The following RBM39 variants were observed in gnomAD, a reference collection of about 807,000 sequenced individuals.
The protein encoded by RBM39 is RNA binding motif protein 39.
In RBM39, 12 loss-of-function variants were observed where a neutral mutation model predicts 79.6. The ratio of observed to expected loss-of-function variants is 0.15; its 90% CI spans 0.10 to 0.24. The LOEUF (loss-of-function observed/expected upper bound fraction) is 0.24, where lower values mean the gene tolerates loss of function less well. Ranked by LOEUF, RBM39 falls within the 10% of genes least tolerant of loss-of-function variation. The probability of loss-of-function intolerance (pLI) is 1.00; values close to 1 mark genes in which losing one functional copy is unlikely to be tolerated. For missense variants in RBM39, 243 were observed against 653.4 expected (o/e 0.37, Z 6.85); for synonymous variants, 185 against 208.4 (o/e 0.89, Z 0.97).
chr20:35,704,766 A>T lies in RBM39; in HGVS notation c.1414-20T>A. ...ATTGCCCTACAGAAAAAATGAAAAA[A>T]AAGGTAAAGATGTTGCTGTATGCAA... On this transcript the variant is annotated intron_variant, in intron 15 of 16. Transcript: ENST00000253363. 2 of 1,606,902 alleles carry T rather than the reference A, an allele frequency of 1.2e-6. No homozygotes were observed. The highest frequency in any genetic ancestry group is 2.2e-5 in the East Asian group (1 of 44,840).
intron 9 of RBM39, 84 bp from the exon 10 acceptor site, chr20:35,716,889 AC>A: frequency 1.1e-6 from 1 of 874,976 alleles, no homozygotes; most frequent in Non-Finnish European, 1.8e-6. Context: ...TTAAAAATCT[AC>A]CAGTCTCCTC....
chr20:35,729,853 A>ACACACAC (rs200469448), intron 4 of RBM39, among the ~76,000 whole-genome samples: 1 of 151,440 alleles, frequency 6.6e-6, no homozygotes, highest in African/African-American at 2.4e-5. Context: ...TAAAAAAAAA[A>ACACACAC]AAACACACAC....
intron 13 of RBM39, 82 bp downstream of exon 13, chr20:35,709,142 G>T: frequency 1.6e-6 from 2 of 1,285,902 alleles, no homozygotes; most frequent in South Asian, 2.7e-5. Flanking sequence ...ATAAAAATAT[G>T]ACAATAAATA....
rs201196214 is a variant in RBM39, at chr20:35,729,552, C to T, written c.297-25G>A. 471 of 1,607,346 alleles carry T rather than the reference C, an allele frequency of 2.9e-4. 2 individuals are homozygous for T. Among genetic ancestry groups the T allele is most frequent in the Admixed American group, 4.5e-4 (27 of 59,892 alleles). On this transcript the variant is annotated intron_variant, in intron 4 of 16. Transcript: ENST00000253363. ...GCTAAAAAGGAAACACAAAATTACA[C>T]TAGTTACAGGTTTAGGGTCTTGCTA... is the stretch of plus-strand genomic sequence containing the variant.
chr20:35,736,397 T>C (rs1452288636), intron 3 of RBM39: 3 of 296,908 alleles, frequency 1.0e-5, no homozygotes, highest in Non-Finnish European at 2.1e-5. Flanking sequence ...TATATCATTT[T>C]TAATCCATTA....
intron 3 of RBM39, among the ~76,000 whole-genome samples, chr20:35,733,232 G>A (rs567267106): frequency 2.6e-5 from 4 of 151,816 alleles, no homozygotes; most frequent in Non-Finnish European, 5.9e-5. Context: ...GAACCCGGGA[G>A]GTGGAGGTTG....
At chr20:35,734,186 C>A (rs771924438) in intron 3 of RBM39, 13 of 1,300,428 alleles carry the variant, frequency 1.0e-5, no homozygotes, top group Non-Finnish European at 1.3e-5. Context: ...AGACACCCAC[C>A]TTCTGGAATC....
At position 35,724,990 on chromosome 20, in the gene RBM39, C is replaced by G. The variant is rs369450053; in HGVS notation, c.534+48G>C. On this transcript the variant is annotated intron_variant, in intron 7 of 16. Transcript: ENST00000253363. ...GAAGTATTTGATGTTTACATGTTTT[C>G]TCTTGCAATTTCTACCTACTTGACC... 2.3e-6 allele frequency: 3 copies of G among 1,303,556 alleles called. No homozygotes were observed. In the African/African-American group the frequency reaches 4.5e-5, roughly 19 times the overall value. 80.7% of individuals were successfully genotyped at this position (1,303,556 alleles called of 1,614,324 possible). A position where few individuals can be genotyped will look rare whatever the true frequency, so the allele number is the denominator to read the frequency against.
intron 9 of RBM39, among the ~76,000 whole-genome samples, chr20:35,718,016 G>A (rs1028690548): frequency 6.6e-5 from 10 of 151,700 alleles, no homozygotes; most frequent in African/African-American, 9.7e-5. Context: ...CCACCACCAC[G>A]CCCAGCTAAA....
At position 35,702,202 on chromosome 20, in the gene RBM39, T is replaced by A. The variant is rs1306048043; in HGVS notation, c.*2279A>T. On this transcript the variant is annotated 3_prime_UTR_variant, in exon 17 of 17. Transcript: ENST00000253363. ...CTTTCAAAGATGGTAGTAATTATTA[T>A]AAAGATAAAAGAAAACTAGATGAAC... 4 of 152,192 alleles carry A rather than the reference T, an allele frequency of 2.6e-5. No homozygotes were observed. Among genetic ancestry groups the A allele is most frequent in the African/African-American group, 9.7e-5 (4 of 41,436 alleles). The allele number at this position is 152,192 out of a possible 1,614,324, so 9.4% of individuals were successfully genotyped here.
intron 8 of RBM39, among the ~76,000 whole-genome samples, chr20:35,722,756 A>ACC (rs1006357853): frequency 6.6e-6 from 1 of 151,726 alleles, no homozygotes; most frequent in African/African-American, 2.4e-5. Flanking sequence ...ACACAGTGAA[A>ACC]CCCCGTCTCT....
In RBM39 at chr20:35,703,233, T is replaced by C. The variant is rs1291382485; in HGVS notation, c.*1248A>G. ...TTAATACAGTAATATATGCACCTTATTTAATATATTAATATATAAATCAAT... is the reference window on the plus strand; with the variant it reads ...TTAATACAGTAATATATGCACCTTACTTAATATATTAATATATAAATCAAT... On this transcript the variant is annotated 3_prime_UTR_variant, in exon 17 of 17. Coordinates refer to ENST00000253363, the MANE Select transcript of RBM39 (RefSeq NM_184234.3). 6.6e-6 allele frequency: 1 copy of C among 152,134 alleles called. No individual in the cohort carries two copies. Among genetic ancestry groups the C allele is most frequent in the African/African-American group, 2.4e-5 (1 of 41,420 alleles). 9.4% of individuals were successfully genotyped at this position (152,134 alleles called of 1,614,324 possible). A position where few individuals can be genotyped will look rare whatever the true frequency, so the allele number is the denominator to read the frequency against.
At chr20:35,722,566 G>A (rs1436646979) in intron 8 of RBM39, among the ~76,000 whole-genome samples, 2 of 147,300 alleles carry the variant, frequency 1.4e-5, no homozygotes, top group Non-Finnish European at 3.0e-5. Context: ...GAGACTGCCA[G>A]GGACTACAGC....
intron 9 of RBM39, among the ~76,000 whole-genome samples, chr20:35,719,553 T>G (rs1159103896): frequency 6.6e-6 from 1 of 151,838 alleles, no homozygotes; most frequent in Non-Finnish European, 1.5e-5. Flanking sequence ...GGTCAGAGCC[T>G]GTAATCCCAG....
intron 6 of RBM39, among the ~76,000 whole-genome samples, chr20:35,727,442 A>C (rs940498767): frequency 2.6e-5 from 4 of 151,510 alleles, no homozygotes; most frequent in African/African-American, 9.7e-5. Flanking sequence ...CACCTGACAA[A>C]ATATTCCTTG....
At chr20:35,722,777 C>CA (rs962103623) in intron 8 of RBM39, among the ~76,000 whole-genome samples, 5 of 151,122 alleles carry the variant, frequency 3.3e-5, no homozygotes, top group South Asian at 2.1e-4. Flanking sequence ...ACTAAAAATA[C>CA]AAAAAAATTA....
chr20:35,723,531 T>C (rs1396985354), intron 8 of RBM39, among the ~76,000 whole-genome samples: 2 of 152,162 alleles, frequency 1.3e-5, no homozygotes, highest in Non-Finnish European at 2.9e-5. Context: ...CTCTGCCTCC[T>C]GGGTTTAAGC....
rs867815575 is a variant in RBM39, at chr20:35,742,088, C to T, written c.-161G>A. ...AACCGCCCAGCCCGAATATCGGGTT[C>T]CAAGGACGGCTAGGCCCGAGAGAAT... On this transcript the variant is annotated 5_prime_UTR_variant, in exon 1 of 17. Coordinates refer to ENST00000253363, the MANE Select transcript of RBM39 (RefSeq NM_184234.3). 1 of 166,578 alleles carries T rather than the reference C, an allele frequency of 6.0e-6. No homozygotes were observed. The highest frequency in any genetic ancestry group is 1.3e-5 in the Non-Finnish European group (1 of 75,222). 10.3% of individuals were successfully genotyped at this position (166,578 alleles called of 1,614,324 possible). A position where few individuals can be genotyped will look rare whatever the true frequency, so the allele number is the denominator to read the frequency against.
intron 12 of RBM39, among the ~76,000 whole-genome samples, chr20:35,712,038 CAG>C (rs1209605625): frequency 3.3e-5 from 5 of 151,810 alleles, no homozygotes; most frequent in Non-Finnish European, 5.9e-5. Flanking sequence ...GGTTGAGCCA[CAG>C]AGTGAGACTC....
Sources: allele counts gnomAD v4.1 joint callset (sites outside exome capture counted in the v4.1 genomes callset), GRCh38; gene constraint gnomAD v4.1.1; transcripts MANE v1.5; gene names NCBI Gene and HGNC (gene_info 2026-07-23, HGNC 2026-07-21).